Variants in IRF2 observed in about 807,000 individuals in gnomAD.
IRF2 encodes the protein interferon regulatory factor 2.
In IRF2, 15 loss-of-function variants were observed where a neutral mutation model predicts 40.6. That is an observed-to-expected ratio of 0.37 (90% CI 0.25 to 0.57). IRF2 has a LOEUF of 0.57. Among genes scored for constraint, IRF2 ranks in the 20% least tolerant of loss-of-function variants. The probability of loss-of-function intolerance (pLI) is 0.77; values close to 1 mark genes in which losing one functional copy is unlikely to be tolerated. For synonymous variants in IRF2, 151 were observed against 165.5 expected (o/e 0.91, Z 0.67); for missense variants, 317 against 455.7 (o/e 0.70, Z 2.77).
chr4:184,468,532 A>G (rs1195393904), intron 1 of IRF2, among the ~76,000 whole-genome samples: 1 of 152,168 alleles, frequency 6.6e-6, no homozygotes, highest in Non-Finnish European at 1.5e-5. Flanking sequence ...CAAACTTAAC[A>G]TGAGTCCCAT....
In IRF2 at chr4:184,413,674, C is replaced by A. The variant is rs1408157390; in HGVS notation, c.411+4493G>T. 6.6e-6 allele frequency among the ~76,000 whole-genome samples: 1 copy of A among 152,230 alleles called. No individual in the cohort carries two copies. Among genetic ancestry groups the A allele is most frequent in the Non-Finnish European group, 1.5e-5 (1 of 68,046 alleles). On this transcript the variant is annotated intron_variant, in intron 5 of 8. Transcript: ENST00000393593. This position sits in a 1 kb window ranked among gnomAD's most constrained non-coding sequence, Gnocchi z 4.2. ...AATACAGACCAGGCCTAATCTTTTCCAAGCGACTTTGGCAGCCCTTCCCAA... is the reference window on the plus strand; with the variant it reads ...AATACAGACCAGGCCTAATCTTTTCAAAGCGACTTTGGCAGCCCTTCCCAA...
chr4:184,411,357 C>G (rs1737067702), intron 5 of IRF2, among the ~76,000 whole-genome samples: 4 of 152,182 alleles, frequency 2.6e-5, no homozygotes, highest in Admixed American at 2.6e-4. Flanking sequence ...CCATGCCCAG[C>G]CTTCTACTCT....
Position 184,388,619 on chromosome 4 carries a change from A to G in IRF2, c.*139T>C, listed in dbSNP as rs886841610. On this transcript the variant is annotated 3_prime_UTR_variant, in exon 9 of 9. Transcript: ENST00000393593. This position sits in a 1 kb window ranked among gnomAD's most constrained non-coding sequence, Gnocchi z 4.6. The stretch of plus-strand genomic sequence containing the variant: ...AGAAGCTCCAGTACTGGAGTTGGAC[A>G]CAGCAATCAATGTTCTATTGTCAAG... 5.9e-6 allele frequency: 5 copies of G among 848,522 alleles called. No individual in the cohort carries two copies. Among genetic ancestry groups the G allele is most frequent in the Admixed American group, 5.1e-5 (2 of 39,240 alleles). 52.6% of individuals were successfully genotyped at this position (848,522 alleles called of 1,614,324 possible).
intron 1 of IRF2, among the ~76,000 whole-genome samples, chr4:184,469,362 T>C (rs951000797): frequency 6.6e-6 from 1 of 152,296 alleles, no homozygotes; most frequent in East Asian, 1.9e-4. Context: ...CTGGAAGTCA[T>C]ATGTGTTTCT....
intron 1 of IRF2, among the ~76,000 whole-genome samples, chr4:184,452,616 T>A (rs1738755297): frequency 6.6e-6 from 1 of 151,350 alleles, no homozygotes; most frequent in Non-Finnish European, 1.5e-5. Flanking sequence ...TGAAGAAGCA[T>A]GTAAAATAAG....
chr4:184,439,468 C>T (rs1191366143), intron 1 of IRF2, among the ~76,000 whole-genome samples: 1 of 151,730 alleles, frequency 6.6e-6, no homozygotes, highest in East Asian at 1.9e-4. Context: ...ATTTAGTATC[C>T]ATTAACCCAA....
chr4:184,455,746 C>T (rs1034465926), intron 1 of IRF2, among the ~76,000 whole-genome samples: 5 of 152,068 alleles, frequency 3.3e-5, no homozygotes, highest in Admixed American at 6.5e-5. Flanking sequence ...CTACAAAAAG[C>T]ATGCAACCTA....
At chr4:184,443,749 G>A (rs1204191753) in intron 1 of IRF2, among the ~76,000 whole-genome samples, 4 of 152,108 alleles carry the variant, frequency 2.6e-5, no homozygotes, top group South Asian at 2.1e-4. Flanking sequence ...TTGCTGGGTT[G>A]AATGGCAGTT....
In IRF2 at chr4:184,402,139, C is replaced by T. The variant is rs367571157; in HGVS notation, c.530-3060G>A. Among the ~76,000 whole-genome samples, 31 of 152,172 alleles carry T rather than the reference C, an allele frequency of 2.0e-4. No individual in the cohort carries two copies. The South Asian group carries it at 3.1e-3, about 15-fold the overall frequency. ...GTTCATATACATGGCTATAGGCCAG[C>T]GACTAACCATCTAGAGAGTCAGTTT... On this transcript the variant is annotated intron_variant, in intron 6 of 8. Transcript: ENST00000393593.
intron 7 of IRF2, among the ~76,000 whole-genome samples, chr4:184,395,443 AGAG>A (rs2149891812): frequency 7.4e-6 from 1 of 136,004 alleles, no homozygotes; most frequent in South Asian, 2.5e-4. Flanking sequence ...AAAGGTGGTC[AGAG>A]GAGATTGAAA....
chr4:184,423,932 C>T (rs1235087263), intron 2 of IRF2, among the ~76,000 whole-genome samples: 3 of 152,124 alleles, frequency 2.0e-5, no homozygotes, highest in African/African-American at 7.2e-5. Flanking sequence ...ATGAATGGAG[C>T]AGTGATGATA....
intron 1 of IRF2, among the ~76,000 whole-genome samples, chr4:184,464,343 A>C (rs1355476851): frequency 2.6e-5 from 4 of 152,090 alleles, no homozygotes; most frequent in African/African-American, 9.7e-5. Context: ...GGACCATAAA[A>C]GGTCTGAAGA....
chr4:184,465,301 T>C lies in IRF2; in HGVS notation c.-7+9078A>G, dbSNP rs962938815. Among the ~76,000 whole-genome samples, 69 of 152,322 alleles carry C rather than the reference T, an allele frequency of 4.5e-4. 1 individual carries two copies. Among genetic ancestry groups the C allele is most frequent in the African/African-American group, 1.5e-3 (64 of 41,582 alleles). On this transcript the variant is annotated intron_variant, in intron 1 of 8. Coordinates refer to ENST00000393593, the MANE Select transcript of IRF2 (RefSeq NM_002199.4). Reference sequence around the variant, plus strand: ...ACATGGAGGCAGAAAGGCTCGAGAATGGCCCCGTCCATGCACAGCCTCCTC... The same window carrying C: ...ACATGGAGGCAGAAAGGCTCGAGAACGGCCCCGTCCATGCACAGCCTCCTC...
intron 5 of IRF2, among the ~76,000 whole-genome samples, chr4:184,409,532 C>T (rs1300718317): frequency 1.3e-5 from 2 of 152,180 alleles, no homozygotes; most frequent in South Asian, 2.1e-4. Flanking sequence ...CCCTACCAGG[C>T]ACGATTTTTA....
chr4:184,402,893 G>A (rs565183559), intron 6 of IRF2, among the ~76,000 whole-genome samples: 1 of 152,258 alleles, frequency 6.6e-6, no homozygotes, highest in African/African-American at 2.4e-5. Flanking sequence ...AGGACCGTGT[G>A]CCTTAAAAGG....
Position 184,398,973 on chromosome 4 carries a change from C to A in IRF2, c.636G>T (p.Gln212His), listed in dbSNP as rs746919993. 1.2e-6 allele frequency: 2 copies of A among 1,613,000 alleles called. No individual in the cohort carries two copies. Among genetic ancestry groups the A allele is most frequent in the South Asian group, 2.2e-5 (2 of 91,042 alleles). Reference sequence around the variant, plus strand: ...GGTAGAGCTCGCTCATGCTGACCGGCTGCTCGTCGCTCTCAGTGGTCACCT... The same window carrying A: ...GGTAGAGCTCGCTCATGCTGACCGGATGCTCGTCGCTCTCAGTGGTCACCT... ...VVEVTTESDE[Q>H]PVSMSELYPL... The change falls in exon 7 of 9, where the codon CAG becomes CAT. Residue 212 changes from glutamine (Q) to histidine (H), a missense_variant. Transcript: ENST00000393593.
chr4:184,439,666 T>C (rs1738226287), intron 1 of IRF2, among the ~76,000 whole-genome samples: 2 of 152,238 alleles, frequency 1.3e-5, no homozygotes, highest in African/African-American at 2.4e-5. Context: ...CAGTTTTACA[T>C]ATTTGCCATT....
chr4:184,427,149 C>T (rs911812875), intron 2 of IRF2, among the ~76,000 whole-genome samples: 2 of 152,196 alleles, frequency 1.3e-5, no homozygotes, highest in African/African-American at 4.8e-5. Flanking sequence ...GGAGCAACTC[C>T]ATTTCTTGTT....
chr4:184,419,679 G>A (rs2149900775), intron 2 of IRF2, 111 bp from the exon 3 acceptor site: 1 of 711,830 alleles, frequency 1.4e-6, no homozygotes, highest in African/African-American at 1.8e-5. Flanking sequence ...AAGCATCGCT[G>A]AATGTGTTGA....
Sources: allele counts gnomAD v4.1 joint callset (sites outside exome capture counted in the v4.1 genomes callset), GRCh38; gene constraint gnomAD v4.1.1; non-coding constraint Gnocchi (gnomAD v3.1); transcripts MANE v1.5; gene names NCBI Gene and HGNC (gene_info 2026-07-23, HGNC 2026-07-21).